Variants in PCDH15 observed in about 807,000 individuals in gnomAD.
PCDH15 encodes the protein protocadherin-15.
In PCDH15, 129 loss-of-function variants were observed where a neutral mutation model predicts 178.5. The ratio of observed to expected loss-of-function variants is 0.72; its 90% CI spans 0.63 to 0.84. The LOEUF is 0.84. Ranked by LOEUF, PCDH15 falls within the 40% of genes least tolerant of loss-of-function variation. The pLI is 0.00. For missense variants in PCDH15, 2,230 were observed against 2,099.9 expected (o/e 1.06, Z -1.21); for synonymous variants, 800 against 732.0 (o/e 1.09, Z -1.50).
chr10:55,143,550 T>C (rs2132091494), intron 2 of PCDH15, among the ~76,000 whole-genome samples: 1 of 152,244 alleles, frequency 6.6e-6, no homozygotes, highest in South Asian at 2.1e-4. Context: ...CCATGACTGC[T>C]GATTTATCAC....
chr10:54,101,226 C>A lies in PCDH15; in HGVS notation c.1918-11163G>T, dbSNP rs749377172. The stretch of plus-strand genomic sequence containing the variant: ...TGTGAGACATGCCTTTCACCTTCCA[C>A]CATGATTGTGAAGCCTCCCCAGCTA... On this transcript the variant is annotated intron_variant, in intron 15 of 37. Coordinates refer to ENST00000644397, the MANE Select transcript of PCDH15 (RefSeq NM_001384140.1). Among the ~76,000 whole-genome samples the A allele has an allele frequency of 2.5e-4, 38 of 152,198 alleles. 1 individual carries two copies. Among genetic ancestry groups the A allele is most frequent in the Non-Finnish European group, 5.3e-4 (36 of 68,028 alleles).
At chr10:54,306,350 CAG>C (rs1006016003) in intron 8 of PCDH15, among the ~76,000 whole-genome samples, 1 of 151,738 alleles carries the variant, frequency 6.6e-6, no homozygotes, top group Non-Finnish European at 1.5e-5. Context: ...GTATGTTTCT[CAG>C]AGAGAGAGAG....
At chr10:54,470,619 T>G (rs1045946720) in intron 3 of PCDH15, among the ~76,000 whole-genome samples, 1 of 152,146 alleles carries the variant, frequency 6.6e-6, no homozygotes, top group African/African-American at 2.4e-5. Flanking sequence ...CCATATGGGT[T>G]GAAGGACTCT....
At chr10:55,620,195 G>T (rs1034208371) in intron 2 of PCDH15, among the ~76,000 whole-genome samples, 1 of 152,020 alleles carries the variant, frequency 6.6e-6, no homozygotes, top group Non-Finnish European at 1.5e-5. Context: ...TTGTGGTCCA[G>T]ATGTATTCTA....
chr10:55,027,162 T>G (rs1218551504), intron 2 of PCDH15, among the ~76,000 whole-genome samples: 2 of 146,998 alleles, frequency 1.4e-5, no homozygotes, highest in Non-Finnish European at 3.0e-5. Flanking sequence ...GATAATGCAA[T>G]AACTTCAGAG....
intron 3 of PCDH15, among the ~76,000 whole-genome samples, chr10:54,436,020 AGGAGAGGAGAG>A (rs1284922158): frequency 1.7e-5 from 1 of 59,066 alleles, no homozygotes; most frequent in African/African-American, 1.0e-4. Flanking sequence ...AGGAGAGGAG[AGGAGAGGAGAG>A]GAGAGAGAGA....
At chr10:54,969,501 G>T (rs937595057) in intron 2 of PCDH15, among the ~76,000 whole-genome samples, 1 of 152,106 alleles carries the variant, frequency 6.6e-6, no homozygotes, top group Non-Finnish European at 1.5e-5. Flanking sequence ...ATAGCCTCAG[G>T]TAGTTTCCTT....
intron 26 of PCDH15, among the ~76,000 whole-genome samples, chr10:53,883,022 GT>G (rs1049646909): frequency 5.3e-5 from 8 of 151,744 alleles, no homozygotes; most frequent in Non-Finnish European, 8.8e-5. Flanking sequence ...GTTCCTTTAT[GT>G]TTTTTTGATG....
At chr10:54,748,207 C>A (rs1449130980) in intron 1 of PCDH15, among the ~76,000 whole-genome samples, 1 of 152,148 alleles carries the variant, frequency 6.6e-6, no homozygotes, top group Admixed American at 6.5e-5. Context: ...AAATAAACTT[C>A]ATGTTACTTT....
At chr10:53,952,099 G>A (rs2087119642) in intron 23 of PCDH15, among the ~76,000 whole-genome samples, 1 of 152,208 alleles carries the variant, frequency 6.6e-6, no homozygotes, top group Non-Finnish European at 1.5e-5. Flanking sequence ...GGCTCAGGGA[G>A]CTCCTAGGTC....
intron 3 of PCDH15, among the ~76,000 whole-genome samples, chr10:54,446,884 A>G (rs1362792022): frequency 6.6e-6 from 1 of 151,616 alleles, no homozygotes; most frequent in East Asian, 1.9e-4. Flanking sequence ...GTAACAAAAA[A>G]CATTCGCAGA....
At chr10:54,683,841 G>A (rs981029238) in intron 1 of PCDH15, among the ~76,000 whole-genome samples, 11 of 152,028 alleles carry the variant, frequency 7.2e-5, no homozygotes, top group African/African-American at 2.4e-4. Context: ...ATTTTGGGCA[G>A]TTTTCTGAAC....
intron 10 of PCDH15, among the ~76,000 whole-genome samples, chr10:54,210,758 G>C (rs958458543): frequency 5.3e-5 from 8 of 151,692 alleles, no homozygotes; most frequent in African/African-American, 1.9e-4. Context: ...GAGAGCTCAG[G>C]GTTAGTGAGC....
At chr10:55,394,744 T>C (rs1900487) in intron 2 of PCDH15, among the ~76,000 whole-genome samples, 92,671 of 151,644 alleles carry the variant, frequency 0.61, 29,388 homozygotes, top group African/African-American at 0.75. Context: ...AAAGAAGTAA[T>C]GGTAAGCAGA....
intron 20 of PCDH15, 82 bp downstream of exon 20, chr10:54,020,110 A>G (rs2092867453): frequency 3.4e-6 from 4 of 1,185,286 alleles, no homozygotes; most frequent in African/African-American, 3.0e-5. Flanking sequence ...TTATCAAAAC[A>G]TATTATAGGT....
chr10:54,549,888 C>T (rs1021423334), intron 2 of PCDH15, among the ~76,000 whole-genome samples: 5 of 151,974 alleles, frequency 3.3e-5, no homozygotes, highest in Non-Finnish European at 7.4e-5. Flanking sequence ...GCTACATCTT[C>T]TTAGTAAATT....
intron 2 of PCDH15, among the ~76,000 whole-genome samples, chr10:55,568,104 T>G (rs1842338948): frequency 6.6e-6 from 1 of 152,170 alleles, no homozygotes; most frequent in African/African-American, 2.4e-5. Context: ...ATGTATTTTA[T>G]ACCCATGTTG....
chr10:54,768,126 ATAACT>A (rs1424075417), intron 1 of PCDH15, among the ~76,000 whole-genome samples: 1 of 152,190 alleles, frequency 6.6e-6, no homozygotes, highest in East Asian at 1.9e-4. Flanking sequence ...ATTAATAAAA[ATAACT>A]TAACCAAAGA....
At position 54,298,221 on chromosome 10, in the gene PCDH15, G is replaced by A. The variant is rs559840321; in HGVS notation, c.876+19050C>T. On this transcript the variant is annotated intron_variant, in intron 8 of 37. Coordinates refer to ENST00000644397, the MANE Select transcript of PCDH15 (RefSeq NM_001384140.1). ...TCCACTGTCAACTGACTCACTAGAG[G>A]GTCTATTGATCCTAAAAGATAAGTT... Among the ~76,000 whole-genome samples the A allele has an allele frequency of 2.4e-4, 36 of 152,164 alleles. No homozygotes were observed. In the East Asian group the frequency reaches 6.4e-3, roughly 27 times the overall value.
Sources: gnomAD v4.1 joint callset for allele counts (sites outside exome capture counted in the v4.1 genomes callset) on GRCh38, gnomAD v4.1.1 for gene constraint, MANE v1.5 for transcripts, NCBI Gene and HGNC (gene_info 2026-07-23, HGNC 2026-07-21) for gene names.